Variants in KLHL13 observed in about 807,000 individuals in gnomAD.
KLHL13 encodes kelch like family member 13, also known as kelch-like protein 13.
Under a neutral mutation model 37.1 loss-of-function variants are expected in KLHL13, and 10 were observed. That is an observed-to-expected ratio of 0.27 (90% confidence interval 0.17 to 0.46). KLHL13 has a LOEUF of 0.46. Among genes scored for constraint, KLHL13 ranks in the 20% least tolerant of loss-of-function variants. KLHL13 has a pLI of 1.00. For synonymous variants in KLHL13, 163 were observed against 181.2 expected (o/e 0.90, Z 0.81); for missense variants, 360 against 509.3 (o/e 0.71, Z 2.82).
intron 1 of KLHL13, among the ~76,000 whole-genome samples, chrX:118,085,799 GTGT>G (rs1569312673): frequency 1.1e-4 from 6 of 53,123 alleles, no homozygotes; most frequent in African/African-American, 1.1e-3. Context: ...ATTCCATGGT[GTGT>G]GTGTGTGTGT....
At chrX:118,047,904 G>A (rs2148067272) in intron 1 of KLHL13, among the ~76,000 whole-genome samples, 1 of 111,919 alleles carries the variant, frequency 8.9e-6, no homozygotes, top group South Asian at 3.8e-4. Flanking sequence ...TAACCCAGAA[G>A]ACAAAATAAG....
intron 1 of KLHL13, among the ~76,000 whole-genome samples, chrX:118,095,396 C>A (rs1356084149): frequency 1.8e-5 from 2 of 111,086 alleles, no homozygotes; most frequent in Non-Finnish European, 3.8e-5. Flanking sequence ...TAAAGCAAGT[C>A]CTGAGTGACC....
intron 1 of KLHL13, among the ~76,000 whole-genome samples, chrX:118,113,631 C>T (rs2055436598): frequency 8.9e-6 from 1 of 112,353 alleles, no homozygotes; most frequent in African/African-American, 3.2e-5. Context: ...TCTCTCTTCT[C>T]TTTCAGGTCT....
chrX:118,004,259 T>A (rs369560238), intron 1 of KLHL13, among the ~76,000 whole-genome samples: 1 of 111,983 alleles, frequency 8.9e-6, no homozygotes, highest in Non-Finnish European at 1.9e-5. Context: ...TATAAATGTG[T>A]ATATGTATTT....
intron 2 of KLHL13, among the ~76,000 whole-genome samples, chrX:117,925,646 C>T (rs911139965): frequency 8.9e-6 from 1 of 111,929 alleles, no homozygotes; most frequent in Non-Finnish European, 1.9e-5. Flanking sequence ...ACTTTAAAAA[C>T]GTAAAGACTT....
chrX:117,946,127 G>A (rs995440476), intron 1 of KLHL13: 27 of 111,368 alleles, frequency 2.4e-4, no homozygotes, highest in African/African-American at 8.8e-4. Context: ...AAGATTAATT[G>A]TTATATATTA....
intron 2 of KLHL13, among the ~76,000 whole-genome samples, chrX:117,936,289 A>G (rs2147767884): frequency 9.0e-6 from 1 of 111,520 alleles, no homozygotes; most frequent in South Asian, 3.8e-4. Flanking sequence ...GTCATGGATT[A>G]TCCTGGAACT....
chrX:118,106,067 AT>A (rs1228266636), intron 1 of KLHL13, among the ~76,000 whole-genome samples: 3,440 of 86,366 alleles, frequency 0.04, 76 homozygotes, highest in African/African-American at 0.084. Flanking sequence ...ACGCCCAGCT[AT>A]TTTTTTTTTT....
intron 1 of KLHL13, among the ~76,000 whole-genome samples, chrX:118,048,202 G>A (rs2054578719): frequency 9.0e-6 from 1 of 111,463 alleles, no homozygotes; most frequent in Admixed American, 9.6e-5. Context: ...TTAATGTTTT[G>A]TTTTATTTTG....
intron 1 of KLHL13, among the ~76,000 whole-genome samples, chrX:118,094,478 C>G (rs1299881754): frequency 9.0e-6 from 1 of 111,002 alleles, no homozygotes; most frequent in East Asian, 2.8e-4. Flanking sequence ...AGGATATTAT[C>G]CAGGAGAACT....
chrX:117,931,566 C>A (rs1478577676), intron 2 of KLHL13, among the ~76,000 whole-genome samples: 2 of 111,859 alleles, frequency 1.8e-5, no homozygotes, highest in African/African-American at 6.5e-5. Flanking sequence ...CTGTTTCTAT[C>A]AAGAATAAAA....
chrX:118,090,285 A>C (rs913458784), intron 1 of KLHL13, among the ~76,000 whole-genome samples: 1 of 111,181 alleles, frequency 9.0e-6, no homozygotes, highest in African/African-American at 3.3e-5. Flanking sequence ...GGATCTAATT[A>C]AACTAAAGAG....
intron 1 of KLHL13, among the ~76,000 whole-genome samples, chrX:118,001,700 C>T (rs954002843): frequency 5.5e-5 from 6 of 109,586 alleles, no homozygotes; most frequent in African/African-American, 1.0e-4. Flanking sequence ...CGTGTCTCTA[C>T]CAAAAATACG....
chrX:117,997,241 A>G (rs1230149430), intron 1 of KLHL13, among the ~76,000 whole-genome samples: 1 of 88,935 alleles, frequency 1.1e-5, no homozygotes, highest in Non-Finnish European at 2.3e-5. Context: ...TCTCTTATGG[A>G]AAAAAAAAAA....
intron 1 of KLHL13, among the ~76,000 whole-genome samples, chrX:118,088,250 C>G (rs1260020008): frequency 8.9e-6 from 1 of 111,792 alleles, no homozygotes; most frequent in African/African-American, 3.2e-5. Context: ...AAAACAATAC[C>G]CTGTGCCAAT....
At chrX:117,928,683 A>G (rs1602559421) in intron 2 of KLHL13, among the ~76,000 whole-genome samples, 1 of 111,818 alleles carries the variant, frequency 8.9e-6, no homozygotes, top group East Asian at 2.8e-4. Flanking sequence ...TGTGGAGTGC[A>G]GATGAAGCTC....
rs144804442 is a variant in KLHL13 at position 118,104,848 on chromosome X, C to T, written c.-56+11660G>A. ...ACAGTTGCTCAGCTCTGTGAGTATA[C>T]TAAACATTACTGAATTATATTACTT... On this transcript the variant is annotated intron_variant, in intron 1 of 6. Transcript: ENST00000371882. 9.3e-3 allele frequency among the ~76,000 whole-genome samples: 1,042 copies of T among 112,177 alleles called. 14 individuals carry two copies. Among genetic ancestry groups the T allele is most frequent in the African/African-American group, 0.032 (980 of 30,881 alleles).
intron 1 of KLHL13, among the ~76,000 whole-genome samples, chrX:118,024,557 C>T (rs1257762296): frequency 9.0e-6 from 1 of 111,325 alleles, no homozygotes; most frequent in East Asian, 2.8e-4. Context: ...AAAATAATAA[C>T]CCATTTTTAA....
intron 2 of KLHL13, among the ~76,000 whole-genome samples, chrX:117,930,274 A>AGGCAGGCAGGC (rs1932361093): frequency 7.7e-5 from 7 of 91,374 alleles, no homozygotes; most frequent in African/African-American, 3.4e-4. Context: ...GGAAGGAAGG[A>AGGCAGGCAGGC]AGGAAGGAAG....
Sources: gnomAD v4.1 joint callset for allele counts (sites outside exome capture counted in the v4.1 genomes callset) on GRCh38, gnomAD v4.1.1 for gene constraint, MANE v1.5 for transcripts, NCBI Gene and HGNC (gene_info 2026-07-23, HGNC 2026-07-21) for gene names.